The following CAST variants were observed in gnomAD, a reference collection of about 807,000 sequenced individuals.
CAST encodes MIR583 host.
Under a neutral mutation model 119.6 loss-of-function variants are expected in CAST, and 76 were observed. That is an observed-to-expected ratio of 0.64 (90% CI 0.53 to 0.77). CAST has a LOEUF of 0.77. CAST is among the 30% of genes least tolerant of loss of function. The pLI is 0.00. For synonymous variants in CAST, 319 were observed against 331.6 expected (o/e 0.96, Z 0.41); for missense variants, 953 against 946.5 (o/e 1.01, Z -0.09).
intron 1 of CAST, among the ~76,000 whole-genome samples, chr5:96,553,532 A>G (rs1048186375): frequency 1.3e-5 from 2 of 152,328 alleles, no homozygotes; most frequent in Admixed American, 1.3e-4. Flanking sequence ...CCTATTCAAC[A>G]TAGTATTGGA....
chr5:96,106,108 T>TA, the CAST span, among the ~76,000 whole-genome samples: 1,122 of 152,262 alleles, frequency 7.4e-3, 15 homozygotes, highest in African/African-American at 0.026. Flanking sequence ...GTATTGTGTC[T>TA]TTTGATTCTT....
At chr5:96,328,989 T>C in the CAST span, among the ~76,000 whole-genome samples, 2 of 152,256 alleles carry the variant, frequency 1.3e-5, no homozygotes, top group Non-Finnish European at 2.9e-5. Context: ...AAATAATTTA[T>C]GAATTCTTTT....
intron 22 of CAST, chr5:96,755,008 C>A: frequency 4.2e-6 from 1 of 237,422 alleles, no homozygotes; most frequent in Non-Finnish European, 8.2e-6. Context: ...TGTTACAATA[C>A]CAGAAATATT....
At chr5:96,764,287 G>A (rs1013495584) in intron 25 of CAST, among the ~76,000 whole-genome samples, 1 of 152,080 alleles carries the variant, frequency 6.6e-6, no homozygotes, top group Non-Finnish European at 1.5e-5. Flanking sequence ...AGCAACTTAG[G>A]AGTATAAGTA....
chr5:96,190,870 T>A, the CAST span, among the ~76,000 whole-genome samples: 2 of 152,204 alleles, frequency 1.3e-5, no homozygotes, highest in African/African-American at 4.8e-5. Flanking sequence ...TTTTCAACCC[T>A]TGTCCCTTCC....
chr5:96,107,264 T>A, the CAST span, among the ~76,000 whole-genome samples: 1 of 152,066 alleles, frequency 6.6e-6, no homozygotes, highest in African/African-American at 2.4e-5. Context: ...AATCCTGTCA[T>A]TATGATGTTA....
At chr5:96,697,277 A>G (rs1414838641) in intron 3 of CAST, among the ~76,000 whole-genome samples, 1 of 152,158 alleles carries the variant, frequency 6.6e-6, no homozygotes, top group African/African-American at 2.4e-5. Context: ...TATCTATACA[A>G]CTATTTAACG....
intron 3 of CAST, among the ~76,000 whole-genome samples, chr5:96,718,691 A>C (rs11743648): frequency 0.27 from 40,579 of 152,082 alleles, 6,192 homozygotes; most frequent in Non-Finnish European, 0.36. Context: ...ACTCAAAGTG[A>C]AACTGCCAAT....
the CAST span, chr5:96,423,251 C>G: frequency 2.0e-6 from 3 of 1,512,810 alleles, no homozygotes; most frequent in Non-Finnish European, 2.7e-6. Flanking sequence ...GAAGGAAAGC[C>G]CTAACTGTGT....
At chr5:95,965,407 A>C in the CAST span, among the ~76,000 whole-genome samples, 1 of 152,230 alleles carries the variant, frequency 6.6e-6, no homozygotes, top group Non-Finnish European at 1.5e-5. Flanking sequence ...GTGACTGCCA[A>C]TGCAGAAGGG....
the CAST span, among the ~76,000 whole-genome samples, chr5:96,322,051 A>G: frequency 1.3e-5 from 2 of 152,198 alleles, no homozygotes; most frequent in South Asian, 2.1e-4. Flanking sequence ...TCTATTGCCA[A>G]AATAATTCTT....
At chr5:95,996,969 AAAAC>A in the CAST span, among the ~76,000 whole-genome samples, 1 of 152,116 alleles carries the variant, frequency 6.6e-6, no homozygotes, top group Non-Finnish European at 1.5e-5. Context: ...AAGAAATAGT[AAAAC>A]AAAAAAAAAG....
the CAST span, among the ~76,000 whole-genome samples, chr5:96,291,841 TGC>T: frequency 7.9e-6 from 1 of 126,390 alleles, no homozygotes; most frequent in African/African-American, 3.2e-5. Flanking sequence ...ATTCCCAGTC[TGC>T]GTGTGTGTGT....
chr5:96,037,665 G>A, the CAST span, among the ~76,000 whole-genome samples: 1 of 152,214 alleles, frequency 6.6e-6, no homozygotes, highest in East Asian at 1.9e-4. Flanking sequence ...TGTTTCAGTT[G>A]TCTTCTGTGA....
At chr5:96,279,417 C>T in the CAST span, among the ~76,000 whole-genome samples, 1 of 152,086 alleles carries the variant, frequency 6.6e-6, no homozygotes, top group Non-Finnish European at 1.5e-5. Flanking sequence ...AATCCCCCTG[C>T]CAATTTTCCT....
the CAST span, among the ~76,000 whole-genome samples, chr5:95,977,110 G>A: frequency 4.6e-5 from 7 of 152,140 alleles, no homozygotes; most frequent in Non-Finnish European, 7.4e-5. Flanking sequence ...AATAGCTGCC[G>A]TATTTTGAGG....
At chr5:96,014,413 G>A in the CAST span, among the ~76,000 whole-genome samples, 1 of 152,002 alleles carries the variant, frequency 6.6e-6, no homozygotes, top group African/African-American at 2.4e-5. Context: ...CTCTAAAATA[G>A]TGATGAAAAG....
the CAST span, among the ~76,000 whole-genome samples, chr5:96,455,675 CTCAGCTCCCA>C: frequency 6.6e-6 from 1 of 152,204 alleles, no homozygotes; most frequent in African/African-American, 2.4e-5. Context: ...CTGCCGTTCC[CTCAGCTCCCA>C]ACCCTCTCCT....
At chr5:96,562,799 C>T (rs1324284118) in intron 1 of CAST, among the ~76,000 whole-genome samples, 1 of 152,174 alleles carries the variant, frequency 6.6e-6, no homozygotes, top group East Asian at 1.9e-4. Flanking sequence ...CTATGTGGCT[C>T]ATAAAAGAAA....
Sources: gnomAD v4.1 joint callset for allele counts (sites outside exome capture counted in the v4.1 genomes callset) on GRCh38, gnomAD v4.1.1 for gene constraint, MANE v1.5 for transcripts, NCBI Gene and HGNC (gene_info 2026-07-23, HGNC 2026-07-21) for gene names.